PCDHGA7: variants seen among roughly 807,000 people sequenced by gnomAD.
PCDHGA7 encodes protocadherin gamma subfamily A, 7.
PCDHGA7 carries 44 observed loss-of-function variants against 58.3 expected under a neutral mutation model. The observed-to-expected ratio is 0.75, with a 90% CI of 0.59 to 0.97. PCDHGA7 has a LOEUF of 0.97. Among genes scored for constraint, PCDHGA7 ranks in the 50% least tolerant of loss-of-function variants. The pLI is 0.00. For synonymous variants in PCDHGA7, 516 were observed against 504.2 expected, an observed-to-expected ratio of 1.02 and a Z score of -0.31; for missense variants, 1,266 against 1,188.7, an observed-to-expected ratio of 1.06 and a Z score of -0.96.
At chr5:141,422,984 G>T in intron 1 of PCDHGA7, 2 of 1,614,230 alleles carry the variant, frequency 1.2e-6, no homozygotes, top group Non-Finnish European at 1.7e-6. Flanking sequence ...GCGGAACCTG[G>T]CTACCTGGTG....
At chr5:141,508,151 C>T (rs1306467936) in intron 3 of PCDHGA7, 1 of 152,548 alleles carries the variant, frequency 6.6e-6, no homozygotes, top group Admixed American at 6.5e-5. Flanking sequence ...GGCTGAGTTT[C>T]CCTGAGTAGA....
chr5:141,409,887 T>C, intron 1 of PCDHGA7: 2 of 1,613,062 alleles, frequency 1.2e-6, no homozygotes, highest in Admixed American at 1.7e-5. Context: ...GCACCGCGGG[T>C]GCTGTACCCA....
At position 141,486,464 on chromosome 5, in the gene PCDHGA7, G is replaced by A; in HGVS notation, c.2425-8343G>A. The A allele has an allele frequency of 1.2e-6, 2 of 1,614,034 alleles. No homozygotes were observed. Among genetic ancestry groups the A allele is most frequent in the Non-Finnish European group, 1.7e-6 (2 of 1,179,946 alleles). On this transcript the variant is annotated intron_variant, in intron 1 of 3. Transcript: ENST00000518325. This position sits in a 1 kb window ranked among gnomAD's most constrained non-coding sequence, Gnocchi z 5.0. ...CATCATGGTCACTGCTTCTGATGCTGGGAACCCTCCTCTCAGTACCCACAG... is the reference window on the plus strand; with the variant it reads ...CATCATGGTCACTGCTTCTGATGCTAGGAACCCTCCTCTCAGTACCCACAG...
Position 141,384,479 on chromosome 5 carries a change from A to T in PCDHGA7, c.1580A>T (p.Glu527Val), listed in dbSNP as rs1457273587. The change falls in exon 1 of 4, where the codon GAA (glutamate) becomes GTA (valine). Residue 527 changes from glutamate to valine, a missense_variant. By Grantham distance (121) the Glu-to-Val change is moderately radical (BLOSUM62 -2). Coordinates refer to ENST00000518325, the MANE Select transcript of PCDHGA7 (RefSeq NM_018920.4). ...LQSFDYEQLR[E>V]LQLRVTAHDS... is the part of the protein sequence containing the mutation. ...TCCTTTGATTATGAGCAGTTGAGAGAACTACAACTAAGAGTGACTGCACAT... is the reference window on the plus strand; with the variant it reads ...TCCTTTGATTATGAGCAGTTGAGAGTACTACAACTAAGAGTGACTGCACAT... The T allele has an allele frequency of 1.2e-6, 2 of 1,614,064 alleles. No individual in the cohort carries two copies. Among genetic ancestry groups the T allele is most frequent in the South Asian group, 2.2e-5 (2 of 91,086 alleles).
In PCDHGA7 at chr5:141,487,938, G is replaced by A; in HGVS notation, c.2425-6869G>A. ...GAGGCTACAGTGCACAGGGTACAGT[G>A]CACCAGGCAGTCACTTGGACAAAGG... is the stretch of plus-strand genomic sequence containing the variant. On this transcript the variant is annotated intron_variant, in intron 1 of 3. Coordinates refer to ENST00000518325, the MANE Select transcript of PCDHGA7 (RefSeq NM_018920.4). This position sits in a 1 kb window ranked among gnomAD's most constrained non-coding sequence, Gnocchi z 5.0. 1.7e-6 allele frequency: 1 copy of A among 600,308 alleles called. No homozygotes were observed. The highest frequency in any genetic ancestry group is 2.9e-6 in the Non-Finnish European group (1 of 342,970). 37.2% of individuals were successfully genotyped at this position (600,308 alleles called of 1,614,324 possible).
At chr5:141,409,447 A>G (rs764648085) in intron 1 of PCDHGA7, 3 of 1,614,008 alleles carry the variant, frequency 1.9e-6, no homozygotes, top group Admixed American at 1.7e-5. Flanking sequence ...GAGAGCAGAC[A>G]CCAGAATACA....
intron 1 of PCDHGA7, among the ~76,000 whole-genome samples, chr5:141,484,202 T>C (rs2099593138): frequency 6.6e-6 from 1 of 152,214 alleles, no homozygotes; most frequent in Non-Finnish European, 1.5e-5. Context: ...ATTAAATCTA[T>C]GAACATTAGC....
intron 1 of PCDHGA7, chr5:141,422,357 C>T: frequency 6.4e-7 from 1 of 1,557,656 alleles, no homozygotes; most frequent in South Asian, 1.3e-5. Context: ...GATCAAGATT[C>T]TGGAGAAAAT....
At chr5:141,423,187 C>G in intron 1 of PCDHGA7, 5 of 1,613,640 alleles carry the variant, frequency 3.1e-6, no homozygotes, top group Middle Eastern at 1.6e-4. Context: ...CGGCCAGCCC[C>G]CTCTCTCGGC....
At chr5:141,430,383 G>A (rs527531595) in intron 1 of PCDHGA7, among the ~76,000 whole-genome samples, 74 of 138,604 alleles carry the variant, frequency 5.3e-4, no homozygotes, top group Admixed American at 8.6e-4. Flanking sequence ...AGCTCATTGG[G>A]AAAAAAAAAA....
Position 141,431,939 on chromosome 5 carries a change from T to A in PCDHGA7, c.2424+46616T>A, listed in dbSNP as rs1377573207. The A allele has an allele frequency of 2.2e-5, 35 of 1,613,996 alleles. No individual in the cohort carries two copies. The highest frequency in any genetic ancestry group is 2.9e-5 in the Non-Finnish European group (34 of 1,180,000). On this transcript the variant is annotated intron_variant, in intron 1 of 3. Coordinates refer to ENST00000518325, the MANE Select transcript of PCDHGA7 (RefSeq NM_018920.4). This position sits in a 1 kb window ranked among gnomAD's most constrained non-coding sequence, Gnocchi z 4.8. ...CATCCAAGGAAATCTGCCCTTTAAA[T>A]TAGAAAAATCTTACGGAAATTACTA...
intron 1 of PCDHGA7, among the ~76,000 whole-genome samples, chr5:141,425,350 A>G (rs926657846): frequency 6.6e-6 from 1 of 152,194 alleles, no homozygotes; most frequent in Non-Finnish European, 1.5e-5. Context: ...TGGCTTTGAA[A>G]TGTGATATTA....
chr5:141,417,701 C>T (rs1382264857), intron 1 of PCDHGA7: 1 of 1,192,516 alleles, frequency 8.4e-7, no homozygotes, highest in Admixed American at 3.0e-5. Flanking sequence ...CCAGCTCCCA[C>T]ACAGAGGCTC....
intron 1 of PCDHGA7, chr5:141,404,551 G>A (rs764332245): frequency 1.9e-5 from 31 of 1,613,748 alleles, no homozygotes; most frequent in African/African-American, 1.1e-4. Flanking sequence ...TGCAGGTGAC[G>A]GCAAGTGACA....
intron 1 of PCDHGA7, chr5:141,393,074 G>A (rs775449711): frequency 3.7e-6 from 6 of 1,613,710 alleles, no homozygotes; most frequent in Non-Finnish European, 5.1e-6. Context: ...TGATCACCGC[G>A]GGCAGGATAG....
intron 2 of PCDHGA7, among the ~76,000 whole-genome samples, chr5:141,500,985 C>T (rs2099804537): frequency 6.6e-6 from 1 of 152,048 alleles, no homozygotes; most frequent in Non-Finnish European, 1.5e-5. Flanking sequence ...TCTCCTGCCT[C>T]AGCCTCCTGA....
At chr5:141,499,019 AG>A (rs2099788634) in intron 2 of PCDHGA7, among the ~76,000 whole-genome samples, 3 of 150,840 alleles carry the variant, frequency 2.0e-5, no homozygotes, top group Non-Finnish European at 3.0e-5. Context: ...GAAGGAAGGA[AG>A]GAAGGAAGAA....
Position 141,384,748 on chromosome 5 carries a change from T to C in PCDHGA7, c.1849T>C (p.Phe617Leu). 6.2e-7 allele frequency: 1 copy of C among 1,613,966 alleles called. No homozygotes were observed. Among genetic ancestry groups the C allele is most frequent in the African/African-American group, 1.3e-5 (1 of 75,048 alleles). The change falls in exon 1 of 4, where the codon TTT becomes CTT. Residue 617 changes from phenylalanine to leucine, a missense_variant. Phe to Leu is a conservative substitution (Grantham distance 22). Transcript: ENST00000518325. The part of the protein sequence containing the change: ...LLLKASEPGL[F>L]AVGLYTGEVR... ...GCTTAAGGCCAGCGAGCCAGGACTC[T>C]TTGCGGTTGGGCTGTACACGGGCGA...
chr5:141,455,905 T>TTATG (rs2098836561), intron 1 of PCDHGA7, among the ~76,000 whole-genome samples: 1 of 148,340 alleles, frequency 6.7e-6, no homozygotes, highest in Admixed American at 6.7e-5. Flanking sequence ...ATTTATTTAT[T>TTATG]TATTTATTTT....
Sources: allele counts gnomAD v4.1 joint callset (sites outside exome capture counted in the v4.1 genomes callset), GRCh38; gene constraint gnomAD v4.1.1; non-coding constraint Gnocchi (gnomAD v3.1); transcripts MANE v1.5; gene names NCBI Gene and HGNC (gene_info 2026-07-23, HGNC 2026-07-21).